The following CSMD1 variants were observed in gnomAD, a reference collection of about 807,000 sequenced individuals.
CSMD1 encodes CUB and Sushi multiple domains 1, also known as CUB and sushi domain-containing protein 1.
Under a neutral mutation model 417.5 loss-of-function variants are expected in CSMD1, and 213 were observed. The ratio of observed to expected loss-of-function variants is 0.51; its 90% CI spans 0.46 to 0.57. The LOEUF (loss-of-function observed/expected upper bound fraction) is 0.57, where lower values mean the gene tolerates loss of function less well. Ranked by LOEUF, CSMD1 falls within the 20% of genes least tolerant of loss-of-function variation. The pLI is 0.00. For synonymous variants in CSMD1, 2,862 were observed against 1,736.8 expected (o/e 1.65, Z -16.11); for missense variants, 6,923 against 4,529.7 (o/e 1.53, Z -15.17).
intron 36 of CSMD1, among the ~76,000 whole-genome samples, chr8:3,186,670 C>T (rs1340057486): frequency 6.6e-6 from 1 of 152,070 alleles, no homozygotes; most frequent in Non-Finnish European, 1.5e-5. Flanking sequence ...GAAAAAATAT[C>T]CACAGTTAAG....
chr8:4,387,963 A>T (rs1803569118), intron 3 of CSMD1, among the ~76,000 whole-genome samples: 1 of 152,232 alleles, frequency 6.6e-6, no homozygotes. Flanking sequence ...GTAATTTAAA[A>T]TTTTACTCTC....
At chr8:4,857,081 G>A (rs1418078089) in intron 1 of CSMD1, among the ~76,000 whole-genome samples, 1 of 149,106 alleles carries the variant, frequency 6.7e-6, no homozygotes, top group African/African-American at 2.5e-5. Context: ...AGACCACAGT[G>A]CAATCAAACT....
intron 3 of CSMD1, among the ~76,000 whole-genome samples, chr8:4,369,936 A>C (rs1008567279): frequency 6.6e-6 from 1 of 152,204 alleles, no homozygotes; most frequent in African/African-American, 2.4e-5. Flanking sequence ...TTAGACATTT[A>C]ACCCATTTAC....
At chr8:3,715,402 T>C (rs539871950) in intron 6 of CSMD1, among the ~76,000 whole-genome samples, 3 of 152,336 alleles carry the variant, frequency 2.0e-5, no homozygotes, top group African/African-American at 4.8e-5. Context: ...CTAAAGCTCA[T>C]CACCTTGAAA....
At chr8:3,882,038 T>C (rs2954637) in intron 5 of CSMD1, among the ~76,000 whole-genome samples, 30,139 of 152,072 alleles carry the variant, frequency 0.2, 3,249 homozygotes, top group East Asian at 0.29. Flanking sequence ...TTTTAAAAGG[T>C]ATTAACAATA....
intron 2 of CSMD1, among the ~76,000 whole-genome samples, chr8:4,609,258 G>T (rs1285018666): frequency 6.6e-6 from 1 of 152,074 alleles, no homozygotes; most frequent in Non-Finnish European, 1.5e-5. Context: ...AAACTTAGCT[G>T]GGCATGCTGG....
chr8:4,138,244 G>A (rs1296222258), intron 3 of CSMD1, among the ~76,000 whole-genome samples: 1 of 140,078 alleles, frequency 7.1e-6, no homozygotes, highest in Non-Finnish European at 1.5e-5. Context: ...TAACTGATGG[G>A]TTTTCCTTTT....
intron 7 of CSMD1, among the ~76,000 whole-genome samples, chr8:3,667,361 G>C (rs1365967758): frequency 6.6e-6 from 1 of 152,114 alleles, no homozygotes. Context: ...ATGTCATGGA[G>C]ATGACATTTG....
chr8:4,657,045 A>G (rs547506219), intron 1 of CSMD1, among the ~76,000 whole-genome samples: 12 of 152,248 alleles, frequency 7.9e-5, no homozygotes, highest in African/African-American at 2.9e-4. Flanking sequence ...AAAAGATCAC[A>G]ATGGAGGCAA....
intron 50 of CSMD1, among the ~76,000 whole-genome samples, chr8:3,048,922 G>C (rs1253878935): frequency 6.7e-6 from 1 of 148,694 alleles, no homozygotes; most frequent in Admixed American, 6.7e-5. Context: ...ATGGGCAAAA[G>C]GCCTGAACAG....
At position 3,635,514 on chromosome 8, in the gene CSMD1, C is replaced by G. The variant is rs578155939; in HGVS notation, c.1010-18717G>C. Among the ~76,000 whole-genome samples the G allele has an allele frequency of 1.9e-3, 269 of 143,790 alleles. 1 individual carries two copies. The highest frequency in any genetic ancestry group is 6.6e-3 in the African/African-American group (256 of 38,984). 94.3% of individuals were successfully genotyped at this position (143,790 alleles called of 152,430 possible). A position where few individuals can be genotyped will look rare whatever the true frequency, so the allele number is the denominator to read the frequency against. ...TTTTTTTTTTTTTGAGACAGAAACT[C>G]GCTCTGTCACCCAGGCTGGAGTGCA... On this transcript the variant is annotated intron_variant, in intron 7 of 69. Transcript: ENST00000635120.
intron 3 of CSMD1, among the ~76,000 whole-genome samples, chr8:4,293,829 CA>C (rs1797515261): frequency 6.6e-6 from 1 of 152,172 alleles, no homozygotes. Flanking sequence ...GCCATTTTAA[CA>C]TTCAGTGTCC....
intron 1 of CSMD1, among the ~76,000 whole-genome samples, chr8:4,937,779 C>T (rs538047762): frequency 5.1e-4 from 74 of 144,250 alleles, no homozygotes; most frequent in African/African-American, 1.7e-3. Context: ...CACACAGTGG[C>T]GCGTGCACAC....
intron 52 of CSMD1, among the ~76,000 whole-genome samples, chr8:3,003,058 C>T (rs1046267821): frequency 3.3e-5 from 5 of 152,166 alleles, no homozygotes; most frequent in African/African-American, 1.2e-4. Context: ...TGTTTTTCAC[C>T]TGTTATCACT....
chr8:3,241,746 C>G (rs1004351327), intron 26 of CSMD1, among the ~76,000 whole-genome samples: 6 of 152,068 alleles, frequency 3.9e-5, no homozygotes, highest in African/African-American at 1.4e-4. Context: ...TTTGGAAGTT[C>G]TTGTGTGCTG....
chr8:4,860,086 A>T (rs1309533113), intron 1 of CSMD1, among the ~76,000 whole-genome samples: 1 of 152,084 alleles, frequency 6.6e-6, no homozygotes, highest in Admixed American at 6.6e-5. Context: ...AGCCATAAAA[A>T]AATGATGAGT....
intron 23 of CSMD1, among the ~76,000 whole-genome samples, chr8:3,329,224 C>A (rs1158017487): frequency 6.6e-6 from 1 of 152,200 alleles, no homozygotes; most frequent in East Asian, 1.9e-4. Flanking sequence ...ACAGAGGAGG[C>A]TGAGCTAGGA....
chr8:3,895,241 G>C (rs1212133173), intron 5 of CSMD1, among the ~76,000 whole-genome samples: 9 of 152,142 alleles, frequency 5.9e-5, no homozygotes, highest in Admixed American at 3.9e-4. Context: ...AATGATCACT[G>C]TGCTTACAAC....
intron 3 of CSMD1, among the ~76,000 whole-genome samples, chr8:4,137,975 T>G (rs893508420): frequency 6.6e-6 from 1 of 150,420 alleles, no homozygotes; most frequent in African/African-American, 2.4e-5. Context: ...TCTCCTCGGT[T>G]CACGCCATTC....
Sources: allele counts gnomAD v4.1 joint callset (sites outside exome capture counted in the v4.1 genomes callset), GRCh38; gene constraint gnomAD v4.1.1; transcripts MANE v1.5; gene names NCBI Gene and HGNC (gene_info 2026-07-23, HGNC 2026-07-21).